Variants in XYLB observed in about 807,000 individuals in gnomAD.
The protein encoded by XYLB is xylulokinase.
XYLB carries 62 observed loss-of-function variants against 78.7 expected under a neutral mutation model. The observed-to-expected ratio is 0.79, with a 90% CI of 0.64 to 0.97. The LOEUF is 0.97. Among genes scored for constraint, XYLB ranks in the 50% least tolerant of loss-of-function variants. The probability of loss-of-function intolerance (pLI) is 0.00; values close to 1 mark genes in which losing one functional copy is unlikely to be tolerated. For synonymous variants in XYLB, 245 were observed against 247.4 expected (o/e 0.99, Z 0.09); for missense variants, 687 against 676.8 (o/e 1.02, Z -0.17).
intron 17 of XYLB, among the ~76,000 whole-genome samples, chr3:38,397,457 G>A (rs1707920759): frequency 6.6e-6 from 1 of 152,210 alleles, no homozygotes; most frequent in Non-Finnish European, 1.5e-5. Context: ...GAGAGCACGT[G>A]GGCATGAGTC....
At chr3:38,438,184 A>C in the XYLB span, among the ~76,000 whole-genome samples, 1 of 152,234 alleles carries the variant, frequency 6.6e-6, no homozygotes, top group East Asian at 1.9e-4. Flanking sequence ...AGTTGATTGC[A>C]CCACTCCACT....
chr3:38,448,064 A>C, the XYLB span, among the ~76,000 whole-genome samples: 3,588 of 149,244 alleles, frequency 0.024, 143 homozygotes, highest in East Asian at 0.16. Context: ...AATTTTAATT[A>C]AAAAAAAAAG....
At chr3:38,405,952 G>A (rs551078228) in intron 18 of XYLB, among the ~76,000 whole-genome samples, 1 of 152,244 alleles carries the variant, frequency 6.6e-6, no homozygotes, top group Admixed American at 6.5e-5. Flanking sequence ...CACCTCTGGG[G>A]GCAGGGCACA....
intron 9 of XYLB, among the ~76,000 whole-genome samples, chr3:38,370,891 G>A (rs928037782): frequency 2.6e-5 from 4 of 152,124 alleles, no homozygotes; most frequent in Admixed American, 6.5e-5. Flanking sequence ...GAGAGAGAGA[G>A]AAAAAGATCT....
chr3:38,370,253 C>CACACACACAT, intron 9 of XYLB, 79 bp downstream of exon 9: 1 of 859,728 alleles, frequency 1.2e-6, no homozygotes, highest in South Asian at 1.4e-5. Flanking sequence ...CACACACACA[C>CACACACACAT]ACACACACAC....
In XYLB at chr3:38,380,708, G is replaced by A. The variant is rs73825557; in HGVS notation, c.1291+1366G>A. On this transcript the variant is annotated intron_variant, in intron 15 of 18. Coordinates refer to ENST00000207870, the MANE Select transcript of XYLB (RefSeq NM_005108.4). ...AAAGGCACAACAGGAATTTTTGCAT[G>A]TGTTTACTAAAGATGTACAGGAGAA... 3.0e-3 allele frequency among the ~76,000 whole-genome samples: 459 copies of A among 152,316 alleles called. 6 individuals carry two copies. Among genetic ancestry groups the A allele is most frequent in the African/African-American group, 0.01 (424 of 41,568 alleles).
At chr3:38,440,758 G>GT in the XYLB span, among the ~76,000 whole-genome samples, 1 of 152,158 alleles carries the variant, frequency 6.6e-6, no homozygotes, top group African/African-American at 2.4e-5. Context: ...ATTTACCCTG[G>GT]TTTTTAAAGG....
Position 38,365,091 on chromosome 3 carries a change from G to C in XYLB, c.292-108G>C, listed in dbSNP as rs112163498. The C allele has an allele frequency of 4.5e-5, 42 of 933,028 alleles. 1 individual carries two copies. Among genetic ancestry groups the C allele is most frequent in the African/African-American group, 4.2e-4 (26 of 61,558 alleles). 57.8% of individuals were successfully genotyped at this position (933,028 alleles called of 1,614,324 possible). ...CTGTGACTAAGAAGTGGCAGGGGCAGGTGTGGAGCCCAGTTCTTTGGCATG... is the reference window on the plus strand; with the variant it reads ...CTGTGACTAAGAAGTGGCAGGGGCACGTGTGGAGCCCAGTTCTTTGGCATG... On this transcript the variant is annotated intron_variant, in intron 4 of 18. Coordinates refer to ENST00000207870, the MANE Select transcript of XYLB (RefSeq NM_005108.4).
At position 38,405,616 on chromosome 3, in the gene XYLB, G is replaced by T. The variant is rs551016812; in HGVS notation, c.1533+4631G>T. Among the ~76,000 whole-genome samples, 30 of 152,362 alleles carry T rather than the reference G, an allele frequency of 2.0e-4. No homozygotes were observed. The South Asian group carries it at 6.2e-3, about 32-fold the overall frequency. On this transcript the variant is annotated intron_variant, in intron 18 of 18. Coordinates refer to ENST00000207870, the MANE Select transcript of XYLB (RefSeq NM_005108.4). ...CTCGAGAAGTGCAAGGGGTCAGGGA[G>T]TTCCCTTTCCTAGTCAAAGAAAGGG... is the stretch of plus-strand genomic sequence containing the variant.
chr3:38,369,969 G>C (rs753036724), intron 8 of XYLB, 87 bp from the exon 9 acceptor site: 80 of 1,136,822 alleles, frequency 7.0e-5, no homozygotes, highest in Non-Finnish European at 1.3e-5. Flanking sequence ...TGTGGCAAGA[G>C]AATTATCTGC....
intron 17 of XYLB, among the ~76,000 whole-genome samples, chr3:38,398,950 T>C (rs1350528527): frequency 6.6e-6 from 1 of 151,654 alleles, no homozygotes; most frequent in African/African-American, 2.4e-5. Context: ...GGGAATAGCT[T>C]GAACTTGGGA....
intron 2 of XYLB, among the ~76,000 whole-genome samples, chr3:38,350,334 C>T (rs78907270): frequency 0.031 from 4,795 of 152,320 alleles, 114 homozygotes; most frequent in African/African-American, 0.061. Flanking sequence ...TTGGTCTTTT[C>T]AACTAAGCCA....
chr3:38,448,664 G>C, the XYLB span, among the ~76,000 whole-genome samples: 1 of 152,152 alleles, frequency 6.6e-6, no homozygotes. Context: ...AAAAGTGATG[G>C]TTCCTCTGGT....
rs1289628596 is a variant in XYLB at position 38,365,132 on chromosome 3, C to G, written c.292-67C>G. The stretch of plus-strand genomic sequence containing the variant: ...CTTTGGCATGTGGTCTGGGGTCTTT[C>G]TGTGTCTTCAGGAGGCTGTGACACT... On this transcript the variant is annotated intron_variant, in intron 4 of 18. Coordinates refer to ENST00000207870, the MANE Select transcript of XYLB (RefSeq NM_005108.4). 9 of 1,486,874 alleles carry G rather than the reference C, an allele frequency of 6.1e-6. No individual in the cohort carries two copies. In the South Asian group the frequency reaches 1.0e-4, roughly 17 times the overall value. The allele number at this position is 1,486,874 out of a possible 1,614,324, so 92.1% of individuals were successfully genotyped here.
the XYLB span, among the ~76,000 whole-genome samples, chr3:38,434,187 G>A: frequency 1.3e-5 from 2 of 152,182 alleles, no homozygotes; most frequent in Non-Finnish European, 2.9e-5. Flanking sequence ...TCCTGCCTTT[G>A]ACATGTGGGG....
the XYLB span, among the ~76,000 whole-genome samples, chr3:38,428,179 A>G: frequency 6.6e-6 from 1 of 152,264 alleles, no homozygotes; most frequent in Admixed American, 6.5e-5. Context: ...TGTGTGGTCT[A>G]AGAATATGCT....
At chr3:38,370,358 A>G in intron 9 of XYLB, 184 bp downstream of exon 9, 1 of 580,086 alleles carries the variant, frequency 1.7e-6, no homozygotes, top group Non-Finnish European at 3.1e-6. Flanking sequence ...TGTCTGGATC[A>G]GTGCCTTGCA....
intron 2 of XYLB, chr3:38,357,278 C>A (rs1464433435): frequency 6.6e-6 from 1 of 152,162 alleles, no homozygotes; most frequent in African/African-American, 2.4e-5. Context: ...ATTGCGGGGT[C>A]ACATGGTAAC....
downstream of XYLB, among the ~76,000 whole-genome samples, chr3:38,423,748 T>G (rs913002279): frequency 6.6e-6 from 1 of 152,228 alleles, no homozygotes; most frequent in Non-Finnish European, 1.5e-5. Context: ...ATTATATGGA[T>G]GATATACTTT....
Sources: allele counts gnomAD v4.1 joint callset (sites outside exome capture counted in the v4.1 genomes callset), GRCh38; gene constraint gnomAD v4.1.1; transcripts MANE v1.5; gene names NCBI Gene and HGNC (gene_info 2026-07-23, HGNC 2026-07-21).